PRIM2: variants seen among roughly 807,000 people sequenced by gnomAD.
PRIM2 encodes the protein DNA primase large subunit.
Under a neutral mutation model 67.3 loss-of-function variants are expected in PRIM2, and 39 were observed. The ratio of observed to expected loss-of-function variants is 0.58; its 90% CI spans 0.45 to 0.76. PRIM2 has a LOEUF of 0.76. Ranked by LOEUF, PRIM2 falls within the 30% of genes least tolerant of loss-of-function variation. The pLI, the probability that PRIM2 is intolerant of heterozygous loss-of-function variation, is 0.00. For missense variants in PRIM2, 398 were observed against 598.7 expected (o/e 0.66, Z 3.50); for synonymous variants, 143 against 198.7 (o/e 0.72, Z 2.36).
chr6:57,421,932 A>G (rs1771478766), intron 7 of PRIM2, among the ~76,000 whole-genome samples: 1 of 152,172 alleles, frequency 6.6e-6, no homozygotes, highest in Non-Finnish European at 1.5e-5. Context: ...TAGATGTAAG[A>G]TACTAGAACC....
chr6:57,402,655 A>G (rs1057081826), intron 7 of PRIM2, among the ~76,000 whole-genome samples: 1 of 152,210 alleles, frequency 6.6e-6, no homozygotes, highest in Non-Finnish European at 1.5e-5. Flanking sequence ...TATGATTGGT[A>G]TGGTTTAATG....
intron 5 of PRIM2, among the ~76,000 whole-genome samples, chr6:57,348,674 T>G (rs1768755974): frequency 6.6e-6 from 1 of 151,824 alleles, no homozygotes; most frequent in Admixed American, 6.6e-5. Flanking sequence ...AGACAGGAGA[T>G]GGGGATGCTG....
At chr6:57,251,183 C>T in the PRIM2 span, among the ~76,000 whole-genome samples, 7 of 152,104 alleles carry the variant, frequency 4.6e-5, no homozygotes, top group Non-Finnish European at 8.8e-5. Context: ...GCCTCCATTT[C>T]GTTTCTCTCC....
the PRIM2 span, among the ~76,000 whole-genome samples, chr6:57,283,978 C>T: frequency 6.6e-6 from 1 of 152,204 alleles, no homozygotes; most frequent in African/African-American, 2.4e-5. Flanking sequence ...TTCTAGCTCA[C>T]CCTTGTAATC....
the PRIM2 span, among the ~76,000 whole-genome samples, chr6:57,294,723 A>C: frequency 6.6e-6 from 1 of 151,912 alleles, no homozygotes; most frequent in Non-Finnish European, 1.5e-5. Flanking sequence ...ATGTATATTG[A>C]TTGAAAAAAG....
intron 10 of PRIM2, among the ~76,000 whole-genome samples, chr6:57,590,409 A>G (rs1268572940): frequency 6.6e-6 from 1 of 152,352 alleles, no homozygotes; most frequent in South Asian, 2.1e-4. Context: ...CCAGTATAGA[A>G]CTGGGCTTAA....
intron 7 of PRIM2, among the ~76,000 whole-genome samples, chr6:57,484,271 T>G (rs1773694910): frequency 6.6e-6 from 1 of 152,242 alleles, no homozygotes. Context: ...TAACAGATTC[T>G]AAAGCCTGAT....
intron 10 of PRIM2, among the ~76,000 whole-genome samples, chr6:57,544,725 C>A (rs1775250374): frequency 1.3e-5 from 2 of 152,126 alleles, no homozygotes; most frequent in South Asian, 4.1e-4. Flanking sequence ...CTGTATCCTA[C>A]AATTAGAATG....
At chr6:57,257,522 C>T in the PRIM2 span, among the ~76,000 whole-genome samples, 12 of 152,288 alleles carry the variant, frequency 7.9e-5, no homozygotes, top group East Asian at 1.4e-3. Flanking sequence ...CTGCCCGCCT[C>T]GGCCTCCCAA....
chr6:57,460,968 G>A (rs1363324716), intron 7 of PRIM2, among the ~76,000 whole-genome samples: 1 of 152,158 alleles, frequency 6.6e-6, no homozygotes, highest in Non-Finnish European at 1.5e-5. Context: ...TGTCACAGGA[G>A]GATTAGAATC....
chr6:57,285,136 C>T, the PRIM2 span, among the ~76,000 whole-genome samples: 5 of 152,096 alleles, frequency 3.3e-5, no homozygotes, highest in Middle Eastern at 3.2e-3. Flanking sequence ...AACTAATAGC[C>T]TACCAATGAA....
At chr6:57,277,866 C>A in the PRIM2 span, among the ~76,000 whole-genome samples, 2 of 151,988 alleles carry the variant, frequency 1.3e-5, no homozygotes, top group South Asian at 4.2e-4. Context: ...CACCTGTAGT[C>A]CCAGCTACTC....
chr6:57,390,918 G>T (rs1770321773), intron 7 of PRIM2, among the ~76,000 whole-genome samples: 1 of 152,174 alleles, frequency 6.6e-6, no homozygotes, highest in African/African-American at 2.4e-5. Flanking sequence ...GGGATTGCAA[G>T]GTTGAATGAT....
At chr6:57,255,272 G>A in the PRIM2 span, among the ~76,000 whole-genome samples, 1 of 152,128 alleles carries the variant, frequency 6.6e-6, no homozygotes, top group East Asian at 1.9e-4. Flanking sequence ...GCCGAGGCGG[G>A]CGGATCACGA....
rs1444681137 is a variant in PRIM2, at chr6:57,550,079, C to T, written c.1020+12454C>T. Among the ~76,000 whole-genome samples, 134 of 152,108 alleles carry T rather than the reference C, an allele frequency of 8.8e-4. 1 individual carries two copies. Among genetic ancestry groups the T allele is most frequent in the Non-Finnish European group, 2.8e-4 (19 of 68,026 alleles). ...CAGCCTGGGCAACAAGAGCGAAACT[C>T]CGTGTCCCCCCTAAACCCCCCTCAA... is the stretch of plus-strand genomic sequence containing the variant. On this transcript the variant is annotated intron_variant, in intron 10 of 13. Transcript: ENST00000615550.
intron 5 of PRIM2, among the ~76,000 whole-genome samples, chr6:57,361,744 C>T (rs1437372354): frequency 6.6e-6 from 1 of 151,846 alleles, no homozygotes; most frequent in African/African-American, 2.4e-5. Context: ...TTAATAAATG[C>T]TTTATGTGTG....
chr6:57,456,155 G>A lies in PRIM2; in HGVS notation c.694-51232G>A, dbSNP rs1361648238. On this transcript the variant is annotated intron_variant, in intron 7 of 13. Transcript: ENST00000615550. The stretch of plus-strand genomic sequence containing the variant: ...TTGTAGAGTTTCTGCCGAGAGATCC[G>A]CTGTTAGTCTGATGGGCTTCCCTTT... 1.3e-3 allele frequency among the ~76,000 whole-genome samples: 194 copies of A among 152,244 alleles called. 5 individuals carry two copies. In the East Asian group the frequency reaches 0.016, roughly 13 times the overall value.
At chr6:57,579,320 A>G (rs1457039371) in intron 10 of PRIM2, among the ~76,000 whole-genome samples, 1 of 152,156 alleles carries the variant, frequency 6.6e-6, no homozygotes, top group Admixed American at 6.5e-5. Context: ...TTTGTCCTTG[A>G]AATTGTACAG....
intron 5 of PRIM2, among the ~76,000 whole-genome samples, chr6:57,368,626 C>T (rs1769445274): frequency 6.6e-6 from 1 of 152,172 alleles, no homozygotes; most frequent in East Asian, 1.9e-4. Flanking sequence ...TTTTTAGTCT[C>T]ATCCGTTCCA....
Sources: gnomAD v4.1 joint callset for allele counts (sites outside exome capture counted in the v4.1 genomes callset) on GRCh38, gnomAD v4.1.1 for gene constraint, MANE v1.5 for transcripts, NCBI Gene and HGNC (gene_info 2026-07-23, HGNC 2026-07-21) for gene names.